The following NRXN3 variants were observed in gnomAD, a reference collection of about 807,000 sequenced individuals.
NRXN3 encodes neurexin III.
A neutral mutation model predicts 137.6 loss-of-function variants in NRXN3; 32 were observed. The observed-to-expected ratio is 0.23, with a 90% CI of 0.18 to 0.31. NRXN3 has a LOEUF of 0.31. Ranked by LOEUF, NRXN3 falls within the 10% of genes least tolerant of loss-of-function variation. The pLI is 1.00. For missense variants in NRXN3, 1,574 were observed against 2,062.5 expected, an observed-to-expected ratio of 0.76 and a Z score of 4.59; for synonymous variants, 798 against 784.5, an observed-to-expected ratio of 1.02 and a Z score of -0.29.
At chr14:79,300,991 A>G (rs1366420468) in intron 15 of NRXN3, among the ~76,000 whole-genome samples, 1 of 152,098 alleles carries the variant, frequency 6.6e-6, no homozygotes, top group Non-Finnish European at 1.5e-5. Flanking sequence ...TGCATTATTG[A>G]GGAAATTTCC....
At chr14:78,899,262 C>T (rs1186441727) in intron 10 of NRXN3, among the ~76,000 whole-genome samples, 1 of 151,832 alleles carries the variant, frequency 6.6e-6, no homozygotes, top group African/African-American at 2.4e-5. Flanking sequence ...AAGGGTTTGC[C>T]CTCCCCCAAA....
intron 4 of NRXN3, among the ~76,000 whole-genome samples, chr14:78,413,468 A>G (rs1598390187): frequency 6.6e-6 from 1 of 152,194 alleles, no homozygotes; most frequent in Admixed American, 6.5e-5. Flanking sequence ...TATTTTCAGT[A>G]GAGACGAGGT....
chr14:79,399,460 T>C (rs935953613), intron 15 of NRXN3, among the ~76,000 whole-genome samples: 11 of 152,184 alleles, frequency 7.2e-5, no homozygotes. Context: ...TAATCATTTA[T>C]TGAGTACTGA....
intron 15 of NRXN3, among the ~76,000 whole-genome samples, chr14:79,277,038 A>G (rs1161096305): frequency 6.6e-6 from 1 of 152,152 alleles, no homozygotes; most frequent in African/African-American, 2.4e-5. Flanking sequence ...AATTTCAGAC[A>G]CTGGAGAGTG....
chr14:79,479,779 T>G (rs61995164), intron 16 of NRXN3, among the ~76,000 whole-genome samples: 6,433 of 152,188 alleles, frequency 0.042, 248 homozygotes, highest in Middle Eastern at 0.095. Context: ...CAAGCCACTT[T>G]CTTAAATACT....
intron 15 of NRXN3, among the ~76,000 whole-genome samples, chr14:79,295,876 G>A (rs2084011228): frequency 6.6e-6 from 1 of 152,094 alleles, no homozygotes; most frequent in East Asian, 1.9e-4. Flanking sequence ...CCAGCCTTCT[G>A]TGTTTACTTT....
intron 1 of NRXN3, among the ~76,000 whole-genome samples, chr14:78,206,404 C>G (rs896209576): frequency 2.6e-5 from 4 of 152,142 alleles, no homozygotes; most frequent in Admixed American, 1.3e-4. Context: ...TTGGATCACT[C>G]ATACCCCAGA....
At chr14:78,964,682 T>C (rs116980850) in intron 11 of NRXN3, among the ~76,000 whole-genome samples, 11,938 of 152,290 alleles carry the variant, frequency 0.078, 735 homozygotes, top group Admixed American at 0.1. Flanking sequence ...TGGTTTGTTA[T>C]GTTTTAACAT....
At chr14:79,762,084 TA>T (rs1347980580) in intron 19 of NRXN3, among the ~76,000 whole-genome samples, 4 of 151,732 alleles carry the variant, frequency 2.6e-5, no homozygotes, top group South Asian at 2.1e-4. Flanking sequence ...GAAACAAGGT[TA>T]GGGGGAAGCC....
At chr14:79,655,087 G>A (rs1330200454) in intron 16 of NRXN3, among the ~76,000 whole-genome samples, 1 of 152,108 alleles carries the variant, frequency 6.6e-6, no homozygotes, top group Non-Finnish European at 1.5e-5. Context: ...AGCTGATCAT[G>A]CATATTCTTG....
chr14:78,578,792 C>T (rs938105039), intron 4 of NRXN3, among the ~76,000 whole-genome samples: 4 of 152,150 alleles, frequency 2.6e-5, no homozygotes, highest in East Asian at 3.9e-4. Context: ...GAGAAATGAA[C>T]GTGAACTAGT....
intron 16 of NRXN3, among the ~76,000 whole-genome samples, chr14:79,473,550 G>A (rs899576708): frequency 6.6e-6 from 1 of 152,176 alleles, no homozygotes; most frequent in African/African-American, 2.4e-5. Context: ...GCCAGTGACA[G>A]AATTGGATTT....
At chr14:78,573,142 G>T (rs1242422599) in intron 4 of NRXN3, among the ~76,000 whole-genome samples, 1 of 152,176 alleles carries the variant, frequency 6.6e-6, no homozygotes, top group Non-Finnish European at 1.5e-5. Context: ...TGCCATGATT[G>T]TAAGTTTCCT....
intron 15 of NRXN3, among the ~76,000 whole-genome samples, chr14:79,052,935 C>T (rs1051528481): frequency 3.9e-5 from 6 of 152,124 alleles, no homozygotes; most frequent in Non-Finnish European, 7.3e-5. Flanking sequence ...CTTTAAGTAG[C>T]AGGTAGTGAA....
intron 16 of NRXN3, among the ~76,000 whole-genome samples, chr14:79,567,363 C>T (rs1023990728): frequency 1.1e-4 from 17 of 151,864 alleles, no homozygotes; most frequent in Non-Finnish European, 2.1e-4. Flanking sequence ...GGACACAAGA[C>T]CAGACTGGAC....
intron 19 of NRXN3, among the ~76,000 whole-genome samples, chr14:79,766,419 C>A (rs2139597535): frequency 6.6e-6 from 1 of 152,186 alleles, no homozygotes; most frequent in East Asian, 1.9e-4. Flanking sequence ...ACGCTTATTT[C>A]TTTTTTCAAA....
chr14:79,481,465 GTATAGCC>G (rs1464662776), intron 16 of NRXN3, among the ~76,000 whole-genome samples: 1 of 152,264 alleles, frequency 6.6e-6, no homozygotes, highest in African/African-American at 2.4e-5. Context: ...TAGCTATATG[GTATAGCC>G]TATTGCATCC....
intron 16 of NRXN3, among the ~76,000 whole-genome samples, chr14:79,580,410 T>C (rs2097703100): frequency 6.6e-6 from 1 of 151,640 alleles, no homozygotes. Flanking sequence ...CTCAGTCATC[T>C]TTTCTCTATA....
intron 15 of NRXN3, among the ~76,000 whole-genome samples, chr14:79,200,228 G>C (rs1433594566): frequency 1.3e-5 from 2 of 152,226 alleles, no homozygotes; most frequent in African/African-American, 4.8e-5. Context: ...TCCTGAACTA[G>C]AGTTTGAGAG....
Sources: gnomAD v4.1 joint callset for allele counts (sites outside exome capture counted in the v4.1 genomes callset) on GRCh38, gnomAD v4.1.1 for gene constraint, MANE v1.5 for transcripts, NCBI Gene and HGNC (gene_info 2026-07-23, HGNC 2026-07-21) for gene names.